ALAS2: variants seen among roughly 807,000 people sequenced by gnomAD.
ALAS2 encodes 5'-aminolevulinate synthase 2.
ALAS2 carries 3 observed loss-of-function variants against 33.7 expected under a neutral mutation model. The ratio of observed to expected loss-of-function variants is 0.09; its 90% CI spans 0.04 to 0.23. ALAS2 has a LOEUF of 0.23. Among genes scored for constraint, ALAS2 ranks in the 10% least tolerant of loss-of-function variants. The probability of loss-of-function intolerance (pLI) is 1.00; values close to 1 mark genes in which losing one functional copy is unlikely to be tolerated. For missense variants in ALAS2, 304 were observed against 475.1 expected (o/e 0.64, Z 3.35); for synonymous variants, 191 against 177.3 (o/e 1.08, Z -0.61).
chrX:55,010,607 A>T (rs926321256), intron 10 of ALAS2, among the ~76,000 whole-genome samples: 1 of 110,765 alleles, frequency 9.0e-6, no homozygotes, highest in African/African-American at 3.3e-5. Flanking sequence ...TCCCTTAGAT[A>T]TCTGCCTCAC....
intron 10 of ALAS2, among the ~76,000 whole-genome samples, chrX:55,011,194 A>G (rs905203523): frequency 3.6e-5 from 4 of 111,924 alleles, no homozygotes; most frequent in Admixed American, 9.5e-5. Flanking sequence ...CTATATGTCA[A>G]TGTTTCCAAA....
intron 5 of ALAS2, 133 bp downstream of exon 5, chrX:55,020,916 TATG>T: frequency 3.7e-6 from 2 of 537,450 alleles, no homozygotes; most frequent in Non-Finnish European, 6.3e-6. Flanking sequence ...AAGGAATAGA[TATG>T]ATGGAGGACC....
At chrX:55,010,551 C>T (rs745973449) in intron 10 of ALAS2, among the ~76,000 whole-genome samples, 1 of 111,054 alleles carries the variant, frequency 9.0e-6, no homozygotes, top group Admixed American at 9.6e-5. Flanking sequence ...AGGAATACTC[C>T]TGTGTCTTCC....
chrX:55,025,181 T>C (rs1027484012), intron 2 of ALAS2, among the ~76,000 whole-genome samples: 5 of 111,098 alleles, frequency 4.5e-5, no homozygotes, highest in African/African-American at 1.6e-4. Flanking sequence ...AAATGAGAAG[T>C]ATGAGATTCT....
Position 55,014,863 on chromosome X carries a change from C to G in ALAS2, c.1321G>C (p.Glu441Gln), listed in dbSNP as rs760790600. 1 of 1,206,971 alleles carries G rather than the reference C, an allele frequency of 8.3e-7. No individual in the cohort carries two copies. The highest frequency in any genetic ancestry group is 1.7e-5 in the African/African-American group (1 of 57,826). ...ALESVRLLKG[E>Q]EGQALRRAHQ... ...GCTCGCCTCAGGGCTTGGCCCTCCT[C>G]TCCCTTGAGCAGCCGCACAGATTCT... The change falls in exon 9 of 11, where the codon GAG (glutamate) becomes CAG (glutamine). Residue 441 changes from glutamate (E) to glutamine (Q), a missense_variant. Coordinates refer to ENST00000650242, the MANE Select transcript of ALAS2 (RefSeq NM_000032.5).
intron 9 of ALAS2, among the ~76,000 whole-genome samples, chrX:55,013,987 G>A (rs1252191885): frequency 4.5e-5 from 5 of 110,601 alleles, no homozygotes; most frequent in African/African-American, 6.6e-5. Flanking sequence ...TGGAACCCCC[G>A]CCAAGCCAAT....
chrX:55,009,221 A>G lies in ALAS2; in HGVS notation c.1723T>C (p.Phe575Leu). 1 of 1,208,424 alleles carries G rather than the reference A, an allele frequency of 8.3e-7. No homozygotes were observed. The highest frequency in any genetic ancestry group is 1.8e-5 in the South Asian group (1 of 56,056). The change falls in exon 11 of 11, where the codon TTC (phenylalanine) becomes CTC (leucine). Residue 575 changes from phenylalanine (F) to leucine (L), a missense_variant. Physicochemically the swap from Phe to Leu is conservative, Grantham distance 22. Transcript: ENST00000650242. ...ACATACTGGGGCCCCATGTTCCCGA[A>G]GTAGGAACGTTCCCACTCACTCATG... Reference protein sequence around the residue: ...ELMSEWERSYFGNMGPQYVTT... With the variant: ...ELMSEWERSYLGNMGPQYVTT...
At chrX:55,024,918 T>C in intron 2 of ALAS2, 78 bp from the exon 3 acceptor site, 1 of 1,146,922 alleles carries the variant, frequency 8.7e-7, no homozygotes, top group Non-Finnish European at 1.2e-6. Context: ...TGAGATCTAA[T>C]GTACCCCTAA....
At chrX:55,024,587 C>T (rs1008751071) in intron 3 of ALAS2, 131 bp downstream of exon 3, 5 of 915,147 alleles carry the variant, frequency 5.5e-6, no homozygotes, top group Non-Finnish European at 7.8e-6. Context: ...ACCATGGCTC[C>T]CCTGGAAAGA....
intron 9 of ALAS2, 66 bp from the exon 10 acceptor site, chrX:55,013,714 G>T: frequency 8.8e-7 from 1 of 1,137,688 alleles, no homozygotes; most frequent in Non-Finnish European, 1.2e-6. Flanking sequence ...GCTCCATTAA[G>T]CAGATGGAGG....
chrX:55,010,306 G>A (rs1935580417), intron 10 of ALAS2, among the ~76,000 whole-genome samples: 1 of 111,383 alleles, frequency 9.0e-6, no homozygotes, highest in Non-Finnish European at 1.9e-5. Flanking sequence ...CTCCCTTTTA[G>A]TGTATTCTCT....
chrX:55,017,948 A>G (rs1435483989), intron 6 of ALAS2, among the ~76,000 whole-genome samples: 1 of 111,777 alleles, frequency 8.9e-6, no homozygotes, highest in East Asian at 2.8e-4. Flanking sequence ...AAGAAGCTTC[A>G]GAGTTTTTTG....
chrX:55,021,459 T>C (rs1277676541), intron 4 of ALAS2, among the ~76,000 whole-genome samples, 185 bp from the exon 5 acceptor site: 2 of 112,421 alleles, frequency 1.8e-5, no homozygotes, highest in African/African-American at 6.5e-5. Context: ...TCCTTTTGCT[T>C]ACTCATTCAC....
rs762698922 is a variant in ALAS2 at position 55,025,973 on chromosome X, A to T, written c.28T>A (p.Cys10Ser). 6 of 1,211,451 alleles carry T rather than the reference A, an allele frequency of 5.0e-6. No individual in the cohort carries two copies. Among genetic ancestry groups the T allele is most frequent in the Non-Finnish European group, 5.6e-6 (5 of 895,374 alleles). Residue 10 changes from cysteine to serine, a missense_variant, in exon 2 of 11, where the codon TGC becomes AGC. Transcript: ENST00000650242. The part of the protein sequence containing the change: MVTAAMLLQ[C>S]CPVLARGPTS... ...GGGCCCCGGGCAAGCACTGGGCAGCACTGTAGCAGCATGGCTGCAGTCACC... is the reference window on the plus strand; with the variant it reads ...GGGCCCCGGGCAAGCACTGGGCAGCTCTGTAGCAGCATGGCTGCAGTCACC...
At chrX:55,015,549 A>G in intron 8 of ALAS2, 29 bp downstream of exon 8, 2 of 1,204,569 alleles carry the variant, frequency 1.7e-6, no homozygotes, top group Non-Finnish European at 2.2e-6. Flanking sequence ...TCTGGAGGGT[A>G]TATAAGAAGG....
chrX:55,014,766 C>G lies in ALAS2; in HGVS notation c.1418G>C (p.Ser473Thr). The G allele has an allele frequency of 3.4e-6, 4 of 1,187,782 alleles. No homozygotes were observed. Among genetic ancestry groups the G allele is most frequent in the Non-Finnish European group, 4.5e-6 (4 of 880,558 alleles). Residue 473 changes from serine to threonine, a missense_variant, in exon 9 of 11, where the codon AGC (serine) becomes ACC (threonine). Transcript: ENST00000650242. ...DRGLPVIPCP[S>T]HIIPIRVGNA... ...TCTCACCCGGATGGGGATGATGTGGCTGGGGCAGGGGATGACAGGAAGGCC... is the reference window on the plus strand; with the variant it reads ...TCTCACCCGGATGGGGATGATGTGGGTGGGGCAGGGGATGACAGGAAGGCC...
Position 55,014,797 on chromosome X carries a change from C to T in ALAS2, c.1387G>A (p.Asp463Asn). The T allele has an allele frequency of 8.3e-7, 1 of 1,199,447 alleles. No individual in the cohort carries two copies. The highest frequency in any genetic ancestry group is 1.1e-6 in the Non-Finnish European group (1 of 888,405). Reference protein sequence around the residue: ...NVKHMRQLLMDRGLPVIPCPS... With the variant: ...NVKHMRQLLMNRGLPVIPCPS... ...CAGGGGATGACAGGAAGGCCCCTGT[C>T]CATGAGTAGCTGGCGCATGTGCTTG... The change falls in exon 9 of 11, where the codon GAC (aspartate) becomes AAC (asparagine). Residue 463 changes from aspartate to asparagine, a missense_variant. By Grantham distance (23) the Asp-to-Asn change is conservative. Around this residue, in one of 3 missense-constraint regions of ALAS2, gnomAD observed 95 missense variants for 127.0 expected, o/e 0.75. Coordinates refer to ENST00000650242, the MANE Select transcript of ALAS2 (RefSeq NM_000032.5).
intron 9 of ALAS2, among the ~76,000 whole-genome samples, chrX:55,014,273 G>C (rs1328597233): frequency 1.8e-5 from 2 of 111,908 alleles, no homozygotes; most frequent in Non-Finnish European, 3.8e-5. Context: ...TCAATAAGAA[G>C]TACGTTTTAC....
At chrX:55,010,436 A>G (rs757793940) in intron 10 of ALAS2, among the ~76,000 whole-genome samples, 75 of 111,427 alleles carry the variant, frequency 6.7e-4, no homozygotes, top group African/African-American at 2.2e-3. Flanking sequence ...ACCATACCCT[A>G]TACAATCTGG....
Sources: allele counts gnomAD v4.1 joint callset (sites outside exome capture counted in the v4.1 genomes callset), GRCh38; gene constraint gnomAD v4.1.1; regional missense constraint gnomAD v4.1.1; transcripts MANE v1.5; gene names NCBI Gene and HGNC (gene_info 2026-07-23, HGNC 2026-07-21).